The following DLG2 variants were observed in gnomAD, a reference collection of about 807,000 sequenced individuals.
DLG2 encodes discs large MAGUK scaffold protein 2.
Under a neutral mutation model 132.5 loss-of-function variants are expected in DLG2, and 45 were observed. That is an observed-to-expected ratio of 0.34 (90% CI 0.27 to 0.44). The LOEUF (loss-of-function observed/expected upper bound fraction) is 0.44. Among genes scored for constraint, DLG2 ranks in the 20% least tolerant of loss-of-function variants. DLG2 has a pLI of 1.00. For synonymous variants in DLG2, 424 were observed against 419.6 expected (o/e 1.01, Z -0.13); for missense variants, 1,045 against 1,196.9 (o/e 0.87, Z 1.87).
chr11:85,338,858 C>T (rs1426192367), intron 3 of DLG2, among the ~76,000 whole-genome samples: 3 of 152,022 alleles, frequency 2.0e-5, no homozygotes, highest in Non-Finnish European at 4.4e-5. Context: ...GAGCCCACCA[C>T]CGTGCCCGGC....
intron 6 of DLG2, among the ~76,000 whole-genome samples, chr11:85,023,698 G>C (rs951824083): frequency 2.0e-5 from 3 of 151,862 alleles, no homozygotes; most frequent in African/African-American, 4.8e-5. Context: ...ACTATATCTC[G>C]ATAACTATTC....
rs537929915 is a variant in DLG2, at chr11:83,950,924, C to G, written c.1340+11961G>C. ...TTTGGGTTTATTTGCCTGCCCCCCC[C>G]TCCACACTTCCACTTTGCTGTCTTT... On this transcript the variant is annotated intron_variant, in intron 14 of 27. Coordinates refer to ENST00000376104, the MANE Select transcript of DLG2 (RefSeq NM_001142699.3). Among the ~76,000 whole-genome samples, 4 of 152,240 alleles carry G rather than the reference C, an allele frequency of 2.6e-5. No homozygotes were observed. The East Asian group carries it at 5.8e-4, about 22-fold the overall frequency.
At chr11:85,258,032 T>TG (rs924416290) in intron 4 of DLG2, among the ~76,000 whole-genome samples, 9 of 152,206 alleles carry the variant, frequency 5.9e-5, no homozygotes, top group Admixed American at 5.9e-4. Flanking sequence ...GAACTGATAC[T>TG]GTGGTTGTCT....
At chr11:84,822,738 C>T (rs2077845779) in intron 6 of DLG2, among the ~76,000 whole-genome samples, 1 of 151,884 alleles carries the variant, frequency 6.6e-6, no homozygotes, top group African/African-American at 2.4e-5. Flanking sequence ...CACATGTCTA[C>T]ACTTTTCAGA....
intron 6 of DLG2, among the ~76,000 whole-genome samples, chr11:84,885,839 C>T (rs1283801063): frequency 7.4e-6 from 1 of 135,560 alleles, no homozygotes; most frequent in East Asian, 2.0e-4. Flanking sequence ...AAATCATTAC[C>T]AGGGGAAAAG....
chr11:84,375,039 A>G (rs931639851), intron 7 of DLG2, among the ~76,000 whole-genome samples: 2 of 152,170 alleles, frequency 1.3e-5, no homozygotes, highest in Non-Finnish European at 2.9e-5. Flanking sequence ...CTTATATTCA[A>G]TACCCAAATT....
intron 6 of DLG2, among the ~76,000 whole-genome samples, chr11:84,773,872 G>C (rs1242663570): frequency 6.6e-6 from 1 of 151,992 alleles, no homozygotes; most frequent in African/African-American, 2.4e-5. Context: ...CCTTGAGAAG[G>C]GGAACAAGAC....
chr11:84,442,210 A>T lies in DLG2; in HGVS notation c.519+92360T>A, dbSNP rs1239600671. On this transcript the variant is annotated intron_variant, in intron 7 of 27. Coordinates refer to ENST00000376104, the MANE Select transcript of DLG2 (RefSeq NM_001142699.3). ...ATTGAATCTATAAATTACTTTGGGC[A>T]GTATGGCCATTTTCACGATATTGAT... Among the ~76,000 whole-genome samples, 5 of 152,308 alleles carry T rather than the reference A, an allele frequency of 3.3e-5. No homozygotes were observed. In the East Asian group the frequency reaches 9.6e-4, roughly 29 times the overall value.
intron 3 of DLG2, among the ~76,000 whole-genome samples, chr11:85,353,952 C>T (rs1488427441): frequency 2.0e-5 from 3 of 150,896 alleles, no homozygotes; most frequent in South Asian, 2.1e-4. Flanking sequence ...CAAATCTGCA[C>T]GTCGTGCACA....
At chr11:84,852,164 T>C (rs980682429) in intron 6 of DLG2, among the ~76,000 whole-genome samples, 12 of 152,170 alleles carry the variant, frequency 7.9e-5, no homozygotes, top group African/African-American at 2.9e-4. Flanking sequence ...TCCCTTGCTC[T>C]AATCTCCTCC....
At chr11:83,728,816 C>T (rs756329580) in intron 18 of DLG2, among the ~76,000 whole-genome samples, 4 of 152,198 alleles carry the variant, frequency 2.6e-5, no homozygotes, top group Non-Finnish European at 5.9e-5. Flanking sequence ...CCATTTGGTC[C>T]CTGCACTTTA....
intron 3 of DLG2, among the ~76,000 whole-genome samples, chr11:85,443,970 C>G (rs1334597684): frequency 6.6e-6 from 1 of 152,166 alleles, no homozygotes; most frequent in Non-Finnish European, 1.5e-5. Flanking sequence ...CTTCACCAGC[C>G]TTCTCTATTT....
chr11:83,790,752 G>A, intron 17 of DLG2: 1 of 762,728 alleles, frequency 1.3e-6, no homozygotes, highest in South Asian at 1.4e-5. Context: ...GATCTCTGGG[G>A]CAACAACTAG....
intron 5 of DLG2, among the ~76,000 whole-genome samples, chr11:85,150,049 T>C (rs1389898660): frequency 7.4e-6 from 1 of 134,438 alleles, no homozygotes; most frequent in Non-Finnish European, 1.6e-5. Context: ...AGACAGAGTC[T>C]CACTCAGTCG....
intron 3 of DLG2, among the ~76,000 whole-genome samples, chr11:85,501,256 AC>A (rs1175543301): frequency 1.3e-5 from 2 of 152,324 alleles, no homozygotes; most frequent in South Asian, 4.1e-4. Context: ...TACACCTTAT[AC>A]AAAAATCAAC....
intron 3 of DLG2, among the ~76,000 whole-genome samples, chr11:85,308,770 GC>G (rs2080129380): frequency 6.6e-6 from 1 of 152,072 alleles, no homozygotes; most frequent in Admixed American, 6.5e-5. Flanking sequence ...TACTATATAA[GC>G]TTTACTAGCT....
chr11:84,522,140 C>T (rs993312152), intron 7 of DLG2, among the ~76,000 whole-genome samples: 12 of 151,644 alleles, frequency 7.9e-5, no homozygotes, highest in Non-Finnish European at 1.0e-4. Flanking sequence ...TGCACTCCAG[C>T]CTGGGCGACA....
chr11:83,655,859 G>A (rs1448989320), intron 18 of DLG2, among the ~76,000 whole-genome samples: 1 of 152,148 alleles, frequency 6.6e-6, no homozygotes, highest in Non-Finnish European at 1.5e-5. Context: ...CTGAATTGCT[G>A]TCACATACTG....
At chr11:85,139,632 G>A (rs183816160) in intron 5 of DLG2, among the ~76,000 whole-genome samples, 67 of 151,334 alleles carry the variant, frequency 4.4e-4, no homozygotes, top group African/African-American at 1.5e-3. Flanking sequence ...TTTTGTTTTT[G>A]TGTCAAGAAC....
Sources: allele counts gnomAD v4.1 joint callset (sites outside exome capture counted in the v4.1 genomes callset), GRCh38; gene constraint gnomAD v4.1.1; transcripts MANE v1.5; gene names NCBI Gene and HGNC (gene_info 2026-07-23, HGNC 2026-07-21).